Variants in THSD7A observed in about 807,000 individuals in gnomAD.
The protein encoded by THSD7A is thrombospondin type-1 domain-containing protein 7A.
A neutral mutation model predicts 231.3 loss-of-function variants in THSD7A; 96 were observed. The observed-to-expected ratio is 0.41, with a 90% confidence interval of 0.35 to 0.49. The LOEUF (loss-of-function observed/expected upper bound fraction) is 0.49. Among genes scored for constraint, THSD7A ranks in the 20% least tolerant of loss-of-function variants. The probability of loss-of-function intolerance (pLI) is 0.05; values close to 1 mark genes in which losing one functional copy is unlikely to be tolerated. For missense variants in THSD7A, 2,290 were observed against 2,070.2 expected, an observed-to-expected ratio of 1.11 and a Z score of -2.06; for synonymous variants, 940 against 743.3, an observed-to-expected ratio of 1.26 and a Z score of -4.30.
intron 14 of THSD7A, among the ~76,000 whole-genome samples, chr7:11,428,176 T>A (rs1428211197): frequency 6.6e-6 from 1 of 152,182 alleles, no homozygotes; most frequent in Non-Finnish European, 1.5e-5. Context: ...TTGATTGTGA[T>A]TTAAATTCAA....
At chr7:11,775,737 G>A (rs547342147) in intron 1 of THSD7A, among the ~76,000 whole-genome samples, 79 of 152,232 alleles carry the variant, frequency 5.2e-4, no homozygotes, top group Non-Finnish European at 1.0e-3. Flanking sequence ...GTTTTGCAAG[G>A]TGAAAATCTC....
chr7:11,492,799 A>G (rs990541808), intron 6 of THSD7A, among the ~76,000 whole-genome samples: 16 of 152,114 alleles, frequency 1.1e-4, no homozygotes, highest in Admixed American at 9.9e-4. Context: ...AAAACTTCCC[A>G]CTCTATCCTC....
intron 1 of THSD7A, among the ~76,000 whole-genome samples, chr7:11,678,876 C>T (rs1783752835): frequency 6.6e-6 from 1 of 152,170 alleles, no homozygotes; most frequent in Non-Finnish European, 1.5e-5. Flanking sequence ...GATACCAAAA[C>T]CTGGCAGAGT....
At chr7:11,795,188 AGT>A (rs1784086131) in intron 1 of THSD7A, among the ~76,000 whole-genome samples, 1 of 152,000 alleles carries the variant, frequency 6.6e-6, no homozygotes, top group African/African-American at 2.4e-5. Flanking sequence ...CAGCATTCTA[AGT>A]GAAATTAGCA....
At chr7:11,819,640 G>C (rs1413757767) in intron 1 of THSD7A, among the ~76,000 whole-genome samples, 1 of 152,180 alleles carries the variant, frequency 6.6e-6, no homozygotes, top group Admixed American at 6.5e-5. Context: ...AAAAAGATAT[G>C]TCTTTGCTAG....
intron 9 of THSD7A, among the ~76,000 whole-genome samples, chr7:11,467,743 T>C (rs1214957306): frequency 4.0e-5 from 6 of 151,804 alleles, no homozygotes; most frequent in East Asian, 1.9e-4. Context: ...TTTTTACTCC[T>C]AAAAAACCTC....
In THSD7A at chr7:11,711,461, T is replaced by C. The variant is rs189005870; in HGVS notation, c.191-74500A>G. ...GATATTGATCTGCTGACGAATTAAATTTCTCTATTCCTACATTTATTTTTC... is the reference window on the plus strand; with the variant it reads ...GATATTGATCTGCTGACGAATTAAACTTCTCTATTCCTACATTTATTTTTC... On this transcript the variant is annotated intron_variant, in intron 1 of 27. Coordinates refer to ENST00000423059, the MANE Select transcript of THSD7A (RefSeq NM_015204.3). Among the ~76,000 whole-genome samples, 59 of 151,202 alleles carry C rather than the reference T, an allele frequency of 3.9e-4. 1 individual carries two copies. Among genetic ancestry groups the C allele is most frequent in the Admixed American group, 3.6e-3 (55 of 15,118 alleles).
intron 13 of THSD7A, among the ~76,000 whole-genome samples, chr7:11,443,622 T>C (rs2128293733): frequency 6.6e-6 from 1 of 152,150 alleles, no homozygotes; most frequent in Non-Finnish European, 1.5e-5. Flanking sequence ...TTTTTGTTTT[T>C]ACCTTAAATA....
At chr7:11,607,252 G>C (rs1317742439) in intron 2 of THSD7A, among the ~76,000 whole-genome samples, 3 of 151,944 alleles carry the variant, frequency 2.0e-5, no homozygotes, top group Non-Finnish European at 4.4e-5. Flanking sequence ...TAATGAATGG[G>C]GTAGGAGGAT....
chr7:11,826,547 T>G (rs1415257483), intron 1 of THSD7A, among the ~76,000 whole-genome samples: 1 of 152,090 alleles, frequency 6.6e-6, no homozygotes, highest in African/African-American at 2.4e-5. Context: ...AAAGTGCAAA[T>G]GTCCCTGTAA....
intron 1 of THSD7A, among the ~76,000 whole-genome samples, chr7:11,675,902 G>C (rs115187180): frequency 6.6e-6 from 1 of 152,172 alleles, no homozygotes; most frequent in African/African-American, 2.4e-5. Flanking sequence ...CCAGCACAGC[G>C]CTGGAGCTCT....
chr7:11,429,563 T>G (rs1784418875), intron 13 of THSD7A, among the ~76,000 whole-genome samples: 1 of 152,206 alleles, frequency 6.6e-6, no homozygotes. Context: ...CCAGTCCCTT[T>G]CACTCAATAC....
chr7:11,566,965 T>TAGGGGGGGGG lies in THSD7A; in HGVS notation c.1453+23494_1453+23495insCCCCCCCCCT. On this transcript the variant is annotated intron_variant, in intron 4 of 27. Coordinates refer to ENST00000423059, the MANE Select transcript of THSD7A (RefSeq NM_015204.3). ...CAAAGTGGATCCAGCTGTGGGAGAG[T>TAGGGGGGGGG]GGGGGGGGGACTGACCAACAAAGTT... is the stretch of plus-strand genomic sequence containing the variant. 2.2e-5 allele frequency among the ~76,000 whole-genome samples: 2 copies of TAGGGGGGGGG among 92,306 alleles called. 1 individual carries two copies. The highest frequency in any genetic ancestry group is 1.1e-4 in the African/African-American group (2 of 18,008). The allele number at this position is 92,306 out of a possible 152,430, so 60.6% of individuals were successfully genotyped here.
intron 6 of THSD7A, among the ~76,000 whole-genome samples, chr7:11,507,614 T>TA (rs56018419): frequency 1.3e-5 from 2 of 151,590 alleles, no homozygotes; most frequent in Non-Finnish European, 2.9e-5. Context: ...TTTTTTTTTT[T>TA]AATTTTTAAC....
chr7:11,580,948 G>A (rs550929189), intron 4 of THSD7A, among the ~76,000 whole-genome samples: 4 of 152,034 alleles, frequency 2.6e-5, no homozygotes, highest in African/African-American at 7.2e-5. Context: ...TAAATCAGTG[G>A]TGTAACCTAA....
intron 1 of THSD7A, among the ~76,000 whole-genome samples, chr7:11,673,399 C>A (rs1783483253): frequency 6.6e-6 from 1 of 152,160 alleles, no homozygotes; most frequent in Non-Finnish European, 1.5e-5. Context: ...CAAAACACAA[C>A]CCATAGGCAC....
chr7:11,594,819 T>C (rs995663409), intron 2 of THSD7A, among the ~76,000 whole-genome samples: 3 of 152,172 alleles, frequency 2.0e-5, no homozygotes, highest in African/African-American at 7.2e-5. Flanking sequence ...GCTCTTATCA[T>C]GTGAGTGGGT....
intron 2 of THSD7A, among the ~76,000 whole-genome samples, chr7:11,594,745 T>G (rs1341540338): frequency 6.6e-6 from 1 of 152,168 alleles, no homozygotes; most frequent in East Asian, 1.9e-4. Context: ...CTAGATAAAT[T>G]GTCCTGAGTG....
chr7:11,409,021 AT>A (rs1178615864), intron 19 of THSD7A, among the ~76,000 whole-genome samples: 1 of 152,304 alleles, frequency 6.6e-6, no homozygotes, highest in Middle Eastern at 3.4e-3. Context: ...CCACTTACAC[AT>A]TTTAGTCCTG....
Sources: gnomAD v4.1 joint callset for allele counts (sites outside exome capture counted in the v4.1 genomes callset) on GRCh38, gnomAD v4.1.1 for gene constraint, MANE v1.5 for transcripts, NCBI Gene and HGNC (gene_info 2026-07-23, HGNC 2026-07-21) for gene names.